BLTP1: variants seen among roughly 807,000 people sequenced by gnomAD.
BLTP1 encodes the protein fragile site-associated protein.
the BLTP1 span, chr4:122,257,393 A>G: frequency 5.0e-6 from 8 of 1,613,956 alleles, no homozygotes; most frequent in South Asian, 8.8e-5. Flanking sequence ...GAAACCTCAA[A>G]TAGCTATGGA....
At chr4:122,276,266 G>C in the BLTP1 span, 1 of 378,322 alleles carries the variant, frequency 2.6e-6, no homozygotes, top group East Asian at 5.5e-5. Context: ...GTAGTTGTGT[G>C]TTGCTTGTGC....
chr4:122,167,575 G>A, the BLTP1 span: 3 of 744,478 alleles, frequency 4.0e-6, no homozygotes, highest in African/African-American at 5.7e-5. Flanking sequence ...GCCCCTACTG[G>A]CCATGGATGT....
chr4:122,346,827 C>T, the BLTP1 span: 10 of 1,561,344 alleles, frequency 6.4e-6, no homozygotes, highest in South Asian at 3.6e-5. Flanking sequence ...ATAACACAAA[C>T]GTGATCTTAC....
At chr4:122,310,182 T>C in the BLTP1 span, among the ~76,000 whole-genome samples, 17 of 152,076 alleles carry the variant, frequency 1.1e-4, no homozygotes, top group African/African-American at 3.4e-4. Flanking sequence ...TTTTTTCCTC[T>C]CTCCACTAGA....
At chr4:122,325,964 ACACTG>A in the BLTP1 span, 1 of 513,740 alleles carries the variant, frequency 1.9e-6, no homozygotes, top group East Asian at 7.4e-5. Flanking sequence ...CTAATCAACC[ACACTG>A]AAAATCTACT....
the BLTP1 span, among the ~76,000 whole-genome samples, chr4:122,320,521 T>G: frequency 6.6e-6 from 1 of 152,180 alleles, no homozygotes; most frequent in Non-Finnish European, 1.5e-5. Context: ...CTTTATCATT[T>G]CATAATGCTC....
the BLTP1 span, chr4:122,345,167 CT>C: frequency 2.4e-6 from 1 of 420,040 alleles, no homozygotes; most frequent in Non-Finnish European, 3.2e-6. Context: ...TTAGGGTAAA[CT>C]TTTACCTGAG....
chr4:122,343,362 C>A, the BLTP1 span: 2 of 1,603,346 alleles, frequency 1.2e-6, no homozygotes, highest in Non-Finnish European at 1.7e-6. Flanking sequence ...TATTGACTGG[C>A]CTTTTTTTCT....
the BLTP1 span, among the ~76,000 whole-genome samples, chr4:122,359,144 G>T: frequency 6.6e-6 from 1 of 150,784 alleles, no homozygotes; most frequent in Middle Eastern, 3.2e-3. Flanking sequence ...GCTAAATGAC[G>T]AGTTAATGGG....
the BLTP1 span, chr4:122,249,247 T>A: frequency 5.5e-6 from 3 of 543,590 alleles, no homozygotes; most frequent in Non-Finnish European, 7.0e-6. Flanking sequence ...TATCCTGTAA[T>A]CATTCAGAAA....
the BLTP1 span, chr4:122,254,491 G>A: frequency 7.6e-7 from 1 of 1,311,262 alleles, no homozygotes; most frequent in Non-Finnish European, 1.0e-6. Flanking sequence ...TACTTCATAT[G>A]TTCTGTAGAC....
At chr4:122,169,835 T>C in the BLTP1 span, 2 of 985,220 alleles carry the variant, frequency 2.0e-6, no homozygotes, top group Non-Finnish European at 2.4e-6. Context: ...CTAGAGTGAA[T>C]CTGAACTAGG....
the BLTP1 span, chr4:122,340,669 C>A: frequency 1.0e-6 from 1 of 960,674 alleles, no homozygotes; most frequent in South Asian, 4.8e-5. Context: ...AAGGCTGATA[C>A]CTTAGAAATA....
At chr4:122,322,669 G>A in the BLTP1 span, among the ~76,000 whole-genome samples, 1 of 152,138 alleles carries the variant, frequency 6.6e-6, no homozygotes, top group Admixed American at 6.6e-5. Context: ...GGTAAGAGAA[G>A]CATTTTATCG....
the BLTP1 span, chr4:122,347,618 C>G: frequency 4.3e-6 from 7 of 1,613,712 alleles, no homozygotes; most frequent in South Asian, 6.6e-5. Context: ...TGGGAGCAGC[C>G]AAGTCAGTCA....
At chr4:122,277,749 G>A in the BLTP1 span, 1 of 979,382 alleles carries the variant, frequency 1.0e-6, no homozygotes, top group Non-Finnish European at 1.2e-6. Flanking sequence ...TTGTAACATA[G>A]TGGATGATTG....
chr4:122,246,642 A>G, the BLTP1 span: 213 of 1,582,684 alleles, frequency 1.3e-4, no homozygotes, highest in Non-Finnish European at 1.7e-4. Context: ...TTAAGTGGTA[A>G]TTTTTCACTT....
At chr4:122,226,276 T>C in the BLTP1 span, 13 of 396,330 alleles carry the variant, frequency 3.3e-5, no homozygotes, top group Non-Finnish European at 4.5e-5. Flanking sequence ...ATCTTCAAAA[T>C]ACCTGGTTTT....
chr4:122,234,664 TA>T, the BLTP1 span: 1 of 1,213,976 alleles, frequency 8.2e-7, no homozygotes, highest in Non-Finnish European at 1.1e-6. Context: ...CTTTGTCATT[TA>T]AAAATATTTA....
Sources: gnomAD v4.1 joint callset for allele counts (sites outside exome capture counted in the v4.1 genomes callset) on GRCh38, gnomAD v4.1.1 for gene constraint, MANE v1.5 for transcripts, NCBI Gene and HGNC (gene_info 2026-07-23, HGNC 2026-07-21) for gene names.